The following MYT1L variants were observed in gnomAD, a reference collection of about 807,000 sequenced individuals.
MYT1L encodes the protein myelin transcription factor 1 like.
In MYT1L, 12 loss-of-function variants were observed where a neutral mutation model predicts 126.7. That is an observed-to-expected ratio of 0.09 (90% confidence interval 0.06 to 0.15). MYT1L has a LOEUF of 0.15. MYT1L is among the 10% of genes least tolerant of loss of function. The pLI, the probability that MYT1L is intolerant of heterozygous loss-of-function variation, is 1.00. For missense variants in MYT1L, 979 were observed against 1,585.2 expected (o/e 0.62, Z 6.49); for synonymous variants, 541 against 604.2 (o/e 0.90, Z 1.53).
At chr2:1,972,201 C>T (rs549974380) in intron 8 of MYT1L, among the ~76,000 whole-genome samples, 6 of 152,304 alleles carry the variant, frequency 3.9e-5, no homozygotes, top group Admixed American at 1.3e-4. Flanking sequence ...CCCCATTGTA[C>T]AGCAGCCACA....
intron 11 of MYT1L, among the ~76,000 whole-genome samples, chr2:1,913,927 C>G (rs2052431931): frequency 6.6e-6 from 1 of 152,152 alleles, no homozygotes; most frequent in South Asian, 2.1e-4. Flanking sequence ...CTCCTCTTCT[C>G]ACATCTGTCT....
intron 22 of MYT1L, among the ~76,000 whole-genome samples, chr2:1,808,369 A>C (rs986973713): frequency 6.6e-6 from 1 of 152,188 alleles, no homozygotes; most frequent in Non-Finnish European, 1.5e-5. Flanking sequence ...GGAACACCAG[A>C]CACTTCAGCT....
At chr2:1,875,433 G>C (rs142984777) in intron 18 of MYT1L, among the ~76,000 whole-genome samples, 1 of 152,212 alleles carries the variant, frequency 6.6e-6, no homozygotes, top group African/African-American at 2.4e-5. Flanking sequence ...ATTTTAAATG[G>C]TTGCTTTAAG....
chr2:2,158,471 C>T lies in MYT1L; in HGVS notation c.-304+14401G>A, dbSNP rs567409754. ...CTATCACAAATGCGCACCATGAGATCGCTCCTTTCTTCTTTGCACTTAAGT... is the reference window on the plus strand; with the variant it reads ...CTATCACAAATGCGCACCATGAGATTGCTCCTTTCTTCTTTGCACTTAAGT... On this transcript the variant is annotated intron_variant, in intron 3 of 24. Transcript: ENST00000647738. 4.2e-4 allele frequency among the ~76,000 whole-genome samples: 64 copies of T among 152,144 alleles called. 1 individual carries two copies. Among genetic ancestry groups the T allele is most frequent in the South Asian group, 6.2e-4 (3 of 4,830 alleles).
chr2:2,121,054 G>A (rs1008155500), intron 3 of MYT1L, among the ~76,000 whole-genome samples: 21 of 152,196 alleles, frequency 1.4e-4, no homozygotes, highest in African/African-American at 4.8e-4. Flanking sequence ...GGAAGTCAAG[G>A]AGGTGCCCCC....
intron 21 of MYT1L, among the ~76,000 whole-genome samples, chr2:1,812,554 C>T (rs916873999): frequency 6.6e-5 from 10 of 152,054 alleles, no homozygotes; most frequent in Non-Finnish European, 1.0e-4. Flanking sequence ...AAGAGGCCTG[C>T]GGCAGGATTT....
intron 3 of MYT1L, among the ~76,000 whole-genome samples, chr2:2,062,082 C>T (rs367731360): frequency 1.3e-5 from 2 of 152,232 alleles, no homozygotes; most frequent in African/African-American, 2.4e-5. Flanking sequence ...GGGAGGTGCA[C>T]TAATGCGCTC....
In MYT1L at chr2:1,865,324, C is replaced by T. The variant is rs1276841293; in HGVS notation, c.2712-13621G>A. 3.3e-5 allele frequency among the ~76,000 whole-genome samples: 5 copies of T among 152,150 alleles called. No individual in the cohort carries two copies. In the South Asian group the frequency reaches 6.2e-4, roughly 19 times the overall value. On this transcript the variant is annotated intron_variant, in intron 18 of 24. Coordinates refer to ENST00000647738, the MANE Select transcript of MYT1L (RefSeq NM_001303052.2). ...CAGCAGCCCTGCTCCTGCGGCCGTG[C>T]GGGGTTCCTGTGGGCTTTGAGGCTG...
chr2:1,934,135 T>C (rs28540584), intron 9 of MYT1L, among the ~76,000 whole-genome samples: 11,680 of 151,258 alleles, frequency 0.077, 517 homozygotes, highest in African/African-American at 0.12. Flanking sequence ...CCACCACGCC[T>C]GGCTAATTTT....
intron 2 of MYT1L, among the ~76,000 whole-genome samples, chr2:2,265,182 A>AT (rs764794755): frequency 1.6e-4 from 25 of 151,810 alleles, no homozygotes; most frequent in Non-Finnish European, 2.8e-4. Flanking sequence ...CACCTGGCTA[A>AT]TTTTTTTGTA....
chr2:2,114,101 T>C (rs1306895667), intron 3 of MYT1L, among the ~76,000 whole-genome samples: 3 of 152,226 alleles, frequency 2.0e-5, no homozygotes, highest in Non-Finnish European at 4.4e-5. Context: ...CTCAGAGGTT[T>C]TATGTGTCAG....
At position 1,998,684 on chromosome 2, in the gene MYT1L, T is replaced by C. The variant is rs556641538; in HGVS notation, c.-157-1337A>G. On this transcript the variant is annotated intron_variant, in intron 4 of 24. Transcript: ENST00000647738. ...AGAAAGGAATTAGACCAGATTGATC[T>C]TTTTTCTCTACTACATTGTAGTTTA... Among the ~76,000 whole-genome samples, 13 of 152,306 alleles carry C rather than the reference T, an allele frequency of 8.5e-5. No individual in the cohort carries two copies. The South Asian group carries it at 2.7e-3, about 32-fold the overall frequency.
At chr2:2,305,440 C>T (rs1453865393) in intron 1 of MYT1L, among the ~76,000 whole-genome samples, 1 of 152,144 alleles carries the variant, frequency 6.6e-6, no homozygotes, top group Non-Finnish European at 1.5e-5. Context: ...GTATTAAATA[C>T]TAAAGTAACT....
At chr2:1,900,589 T>A (rs1030752773) in intron 14 of MYT1L, among the ~76,000 whole-genome samples, 2 of 152,010 alleles carry the variant, frequency 1.3e-5, no homozygotes, top group East Asian at 3.9e-4. Context: ...GTGAGCCCCC[T>A]CGCCCGGCCA....
intron 3 of MYT1L, among the ~76,000 whole-genome samples, chr2:2,056,142 A>C (rs1216037253): frequency 7.2e-5 from 11 of 152,208 alleles, no homozygotes; most frequent in Admixed American, 7.2e-4. Flanking sequence ...GCACATTCAC[A>C]AATCATGGAG....
At chr2:2,235,670 G>A (rs529311116) in intron 2 of MYT1L, among the ~76,000 whole-genome samples, 3 of 152,246 alleles carry the variant, frequency 2.0e-5, no homozygotes, top group Non-Finnish European at 2.9e-5. Context: ...GAGTGAACAC[G>A]CAGCCCCTCC....
intron 2 of MYT1L, among the ~76,000 whole-genome samples, chr2:2,237,605 C>A (rs1363168908): frequency 6.6e-6 from 1 of 152,164 alleles, no homozygotes; most frequent in East Asian, 1.9e-4. Flanking sequence ...CCCACAGAAC[C>A]TCAGTGAGAG....
At chr2:1,812,875 C>CAAAAAA (rs33917296) in intron 21 of MYT1L, among the ~76,000 whole-genome samples, 31 of 59,786 alleles carry the variant, frequency 5.2e-4, no homozygotes, top group African/African-American at 1.7e-3. Flanking sequence ...GACTCCGTCT[C>CAAAAAA]AAAAAAAAAA....
chr2:2,045,165 T>A (rs1310817779), intron 4 of MYT1L, among the ~76,000 whole-genome samples: 1 of 152,236 alleles, frequency 6.6e-6, no homozygotes, highest in African/African-American at 2.4e-5. Flanking sequence ...CTCACCTTCC[T>A]GCATGTAAGA....
Sources: allele counts gnomAD v4.1 joint callset (sites outside exome capture counted in the v4.1 genomes callset), GRCh38; gene constraint gnomAD v4.1.1; transcripts MANE v1.5; gene names NCBI Gene and HGNC (gene_info 2026-07-23, HGNC 2026-07-21).